The following CFAP57 variants were observed in gnomAD, a reference collection of about 807,000 sequenced individuals.
CFAP57 encodes cilia- and flagella-associated protein 57.
Under a neutral mutation model 146.8 loss-of-function variants are expected in CFAP57, and 116 were observed. The ratio of observed to expected loss-of-function variants is 0.79; its 90% CI spans 0.68 to 0.92. CFAP57 has a LOEUF of 0.92. CFAP57 is among the 40% of genes least tolerant of loss of function. The pLI is 0.00. For synonymous variants in CFAP57, 518 were observed against 552.8 expected (o/e 0.94, Z 0.88); for missense variants, 1,377 against 1,527.2 (o/e 0.90, Z 1.64).
intron 2 of CFAP57, among the ~76,000 whole-genome samples, chr1:43,176,641 C>G (rs771701043): frequency 1.3e-5 from 2 of 152,166 alleles, no homozygotes; most frequent in African/African-American, 4.8e-5. Context: ...AAATGCTGTC[C>G]TCACAGTGCT....
chr1:43,206,642 A>C (rs1644368872), intron 9 of CFAP57, 78 bp from the exon 10 acceptor site: 1 of 1,460,554 alleles, frequency 6.8e-7, no homozygotes, highest in South Asian at 1.1e-5. Context: ...TGGAGCACCT[A>C]AGGAGTTTGC....
intron 9 of CFAP57, among the ~76,000 whole-genome samples, chr1:43,203,987 G>A (rs1644246282): frequency 6.6e-6 from 1 of 152,070 alleles, no homozygotes; most frequent in Non-Finnish European, 1.5e-5. Flanking sequence ...TGCATTTAAT[G>A]GATGCCCACA....
chr1:43,216,435 G>T (rs933540312), intron 12 of CFAP57, among the ~76,000 whole-genome samples: 14 of 152,188 alleles, frequency 9.2e-5, no homozygotes, highest in African/African-American at 3.4e-4. Context: ...CTGACCTGCT[G>T]CAGAAGGGAC....
chr1:43,250,175 C>G (rs1646283720), intron 22 of CFAP57: 1 of 152,190 alleles, frequency 6.6e-6, no homozygotes. Flanking sequence ...CAAATAGACA[C>G]ATACAAGTAG....
At chr1:43,196,364 A>G (rs1192918848) in intron 6 of CFAP57, 1 of 153,256 alleles carries the variant, frequency 6.5e-6, no homozygotes, top group East Asian at 1.9e-4. Context: ...GAAGAATAAC[A>G]ATAACCTGTG....
intron 9 of CFAP57, among the ~76,000 whole-genome samples, chr1:43,205,849 G>A (rs1644336290): frequency 6.6e-6 from 1 of 152,156 alleles, no homozygotes; most frequent in African/African-American, 2.4e-5. Flanking sequence ...CAGCAGTGAA[G>A]TTTCTGGAGC....
At position 43,215,296 on chromosome 1, in the gene CFAP57, T is replaced by C; in HGVS notation, c.1971T>C (p.Ala657=). ...TFDDQFLLTA[A]EDGCLFTWKV... is the part of the protein sequence containing the mutation. Reference sequence around the variant, plus strand: ...ATGATCAGTTCCTGCTGACTGCTGCTGAGGATGGCTGCCTGTTCACCTGGA... The same window carrying C: ...ATGATCAGTTCCTGCTGACTGCTGCCGAGGATGGCTGCCTGTTCACCTGGA... The change falls in exon 12 of 23, where the codon GCT becomes GCC. Residue 657 remains alanine, a synonymous_variant. Transcript: ENST00000372492. 6.4e-7 allele frequency: 1 copy of C among 1,551,288 alleles called. No homozygotes were observed. The highest frequency in any genetic ancestry group is 8.7e-7 in the Non-Finnish European group (1 of 1,147,144).
Position 43,227,102 on chromosome 1 carries a change from G to A in CFAP57, c.2985G>A (p.Arg995=), listed in dbSNP as rs1178196280. The A allele has an allele frequency of 6.5e-7, 1 of 1,540,864 alleles. No individual in the cohort carries two copies. The highest frequency in any genetic ancestry group is 8.8e-7 in the Non-Finnish European group (1 of 1,142,076). ...KQIEPRENEI[R]VMKEQIQEME... ...TAGAACCTCGAGAGAATGAGATCAG[G>A]GTGATGAAGGAACAGATTCAGGAGG... is the stretch of plus-strand genomic sequence containing the variant. The change falls in exon 18 of 23, where the codon AGG becomes AGA. Residue 995 remains arginine (R), a synonymous_variant. Coordinates refer to ENST00000372492, the MANE Select transcript of CFAP57 (RefSeq NM_001378189.1).
chr1:43,213,159 C>T (rs924373883), intron 11 of CFAP57, among the ~76,000 whole-genome samples: 6 of 152,002 alleles, frequency 3.9e-5, no homozygotes, highest in Non-Finnish European at 7.4e-5. Context: ...ATGATCTCCG[C>T]TCACTGCAAC....
chr1:43,188,382 C>T (rs192445741), intron 6 of CFAP57, among the ~76,000 whole-genome samples: 15 of 152,138 alleles, frequency 9.9e-5, no homozygotes, highest in Non-Finnish European at 1.8e-4. Flanking sequence ...GTTGCTGGAC[C>T]GTTTTATATT....
chr1:43,206,512 G>A, intron 9 of CFAP57: 1 of 588,020 alleles, frequency 1.7e-6, no homozygotes, highest in Non-Finnish European at 3.0e-6. Context: ...AGAAATGAGA[G>A]TGTTTCATCT....
intron 6 of CFAP57, among the ~76,000 whole-genome samples, chr1:43,191,748 A>G (rs536719663): frequency 6.8e-6 from 1 of 146,292 alleles, no homozygotes; most frequent in South Asian, 2.1e-4. Flanking sequence ...ATTAATGTTC[A>G]CTCTAATCTT....
intron 19 of CFAP57, among the ~76,000 whole-genome samples, chr1:43,233,913 G>C (rs77354125): frequency 0.012 from 1,813 of 152,296 alleles, 29 homozygotes; most frequent in African/African-American, 0.041. Flanking sequence ...GATGCCATCT[G>C]TCTTGGCTCT....
chr1:43,243,608 T>C (rs1318738292), intron 22 of CFAP57, among the ~76,000 whole-genome samples: 1 of 152,198 alleles, frequency 6.6e-6, no homozygotes, highest in Non-Finnish European at 1.5e-5. Context: ...TGCAGACTCT[T>C]TTAGATTTTA....
chr1:43,193,314 A>T (rs76951728), intron 6 of CFAP57, among the ~76,000 whole-genome samples: 2,755 of 152,098 alleles, frequency 0.018, 42 homozygotes, highest in South Asian at 0.064. Flanking sequence ...ATCCAGTCTG[A>T]CAATCTCTTT....
chr1:43,222,626 G>A (rs1449946238), intron 15 of CFAP57, among the ~76,000 whole-genome samples, 198 bp from the exon 16 acceptor site: 3 of 152,160 alleles, frequency 2.0e-5, no homozygotes. Flanking sequence ...AGGAAAAGAG[G>A]GGAGGCAGGA....
chr1:43,200,202 A>G (rs919711532), intron 9 of CFAP57, among the ~76,000 whole-genome samples: 5 of 152,168 alleles, frequency 3.3e-5, no homozygotes, highest in Admixed American at 3.3e-4. Context: ...TGATTTTAGA[A>G]AGTAAAGTCG....
intron 21 of CFAP57, 141 bp from the exon 22 acceptor site, chr1:43,243,086 C>T: frequency 7.0e-6 from 7 of 1,003,774 alleles, no homozygotes; most frequent in Non-Finnish European, 9.4e-6. Context: ...AATAAAGGCT[C>T]AGGCCCCAAT....
At chr1:43,232,661 G>T in intron 19 of CFAP57, 37 bp downstream of exon 19, 7 of 1,455,848 alleles carry the variant, frequency 4.8e-6, no homozygotes, top group Non-Finnish European at 6.5e-6. Context: ...TCTTGGATTC[G>T]GGATCTGGCA....
Sources: gnomAD v4.1 joint callset for allele counts (sites outside exome capture counted in the v4.1 genomes callset) on GRCh38, gnomAD v4.1.1 for gene constraint, MANE v1.5 for transcripts, NCBI Gene and HGNC (gene_info 2026-07-23, HGNC 2026-07-21) for gene names.